The following SNX29 variants were observed in gnomAD, a reference collection of about 807,000 sequenced individuals.
SNX29 encodes the protein sorting nexin 29, also known as sorting nexin-29.
In SNX29, 78 loss-of-function variants were observed where a neutral mutation model predicts 102.1. The observed-to-expected ratio is 0.76, with a 90% CI of 0.64 to 0.92. The LOEUF (loss-of-function observed/expected upper bound fraction) is 0.92, where lower values mean the gene tolerates loss of function less well. Ranked by LOEUF, SNX29 falls within the 40% of genes least tolerant of loss-of-function variation. The pLI is 0.00. For missense variants in SNX29, 1,280 were observed against 1,061.7 expected (o/e 1.21, Z -2.86); for synonymous variants, 580 against 414.5 (o/e 1.40, Z -4.85).
At chr16:12,217,354 TAGC>T (rs1340540015) in intron 14 of SNX29, among the ~76,000 whole-genome samples, 2 of 152,230 alleles carry the variant, frequency 1.3e-5, no homozygotes, top group Non-Finnish European at 2.9e-5. Flanking sequence ...ACTTGTTTGT[TAGC>T]AGCCACTGTG....
intron 15 of SNX29, among the ~76,000 whole-genome samples, chr16:12,340,102 A>AT (rs1291193327): frequency 6.6e-6 from 1 of 152,242 alleles, no homozygotes; most frequent in Non-Finnish European, 1.5e-5. Context: ...AATCCAAGAC[A>AT]TAATGATCAG....
At chr16:12,503,743 A>T (rs2089237945) in intron 19 of SNX29, among the ~76,000 whole-genome samples, 1 of 152,074 alleles carries the variant, frequency 6.6e-6, no homozygotes, top group South Asian at 2.1e-4. Flanking sequence ...GCTTTCTTCA[A>T]GGCAGAGCCT....
intron 18 of SNX29, among the ~76,000 whole-genome samples, chr16:12,467,643 C>G (rs1263825382): frequency 7.3e-6 from 1 of 136,140 alleles, no homozygotes; most frequent in East Asian, 2.6e-4. Flanking sequence ...TTCGTTCATT[C>G]ATTCATTCAT....
intron 14 of SNX29, among the ~76,000 whole-genome samples, chr16:12,239,777 G>C (rs879278311): frequency 1.3e-5 from 2 of 151,584 alleles, no homozygotes; most frequent in Non-Finnish European, 2.9e-5. Context: ...CTGGTGTCAT[G>C]CCACTGCACT....
chr16:12,188,508 C>T (rs943115641), intron 13 of SNX29, among the ~76,000 whole-genome samples: 2 of 152,098 alleles, frequency 1.3e-5, no homozygotes, highest in African/African-American at 4.8e-5. Context: ...AGTTTGGAAC[C>T]CTGTGATTTT....
At chr16:12,171,595 A>T (rs2076150958) in intron 13 of SNX29, among the ~76,000 whole-genome samples, 1 of 152,196 alleles carries the variant, frequency 6.6e-6, no homozygotes, top group East Asian at 1.9e-4. Context: ...TTCAGGGCTT[A>T]GCCCTCTTCT....
chr16:12,351,118 A>G (rs539220193), intron 15 of SNX29, among the ~76,000 whole-genome samples: 92 of 152,290 alleles, frequency 6.0e-4, no homozygotes, highest in African/African-American at 2.1e-3. Context: ...CCTTTGCCTC[A>G]TTGGTAAGGA....
chr16:12,281,942 G>T (rs1175195536), intron 15 of SNX29, among the ~76,000 whole-genome samples: 1 of 151,928 alleles, frequency 6.6e-6, no homozygotes, highest in African/African-American at 2.4e-5. Context: ...AAATTAGCCG[G>T]TCATGGTGGC....
In SNX29 at chr16:12,101,491, T is replaced by C. The variant is rs534946435; in HGVS notation, c.1402+22576T>C. Among the ~76,000 whole-genome samples, 35 of 151,866 alleles carry C rather than the reference T, an allele frequency of 2.3e-4. 1 individual carries two copies. In the South Asian group the frequency reaches 6.9e-3, roughly 30 times the overall value. ...CTCCACCTCCCGGGTTCAAGCGATT[T>C]TCCTGCCTCAGCCTCCTGGGTAGCT... On this transcript the variant is annotated intron_variant, in intron 11 of 20. Coordinates refer to ENST00000566228, the MANE Select transcript of SNX29 (RefSeq NM_032167.5).
chr16:12,485,482 A>C (rs532322147), intron 19 of SNX29, among the ~76,000 whole-genome samples: 1 of 152,202 alleles, frequency 6.6e-6, no homozygotes, highest in Non-Finnish European at 1.5e-5. Context: ...ATGCATTAAA[A>C]TCCTCATTAA....
At chr16:12,288,696 A>AG (rs2079689120) in intron 15 of SNX29, among the ~76,000 whole-genome samples, 2 of 152,022 alleles carry the variant, frequency 1.3e-5, no homozygotes, top group African/African-American at 4.8e-5. Flanking sequence ...AAAAAAAAAA[A>AG]AAGATAATGA....
At chr16:12,266,762 T>G (rs1467521963) in intron 14 of SNX29, among the ~76,000 whole-genome samples, 1 of 150,814 alleles carries the variant, frequency 6.6e-6, no homozygotes, top group East Asian at 1.9e-4. Context: ...CAGTCAAGTA[T>G]GTAAATTTTT....
intron 20 of SNX29, among the ~76,000 whole-genome samples, chr16:12,539,980 C>G (rs963972639): frequency 1.3e-5 from 2 of 152,152 alleles, no homozygotes; most frequent in African/African-American, 2.4e-5. Context: ...ATATTTTCTT[C>G]TAGTCTTCAG....
intron 1 of SNX29, among the ~76,000 whole-genome samples, chr16:11,991,541 A>T (rs2055847754): frequency 6.6e-6 from 1 of 151,528 alleles, no homozygotes; most frequent in Admixed American, 6.6e-5. Context: ...TTTATTTTTT[A>T]TTTCATTTTA....
At chr16:12,146,390 C>T (rs141968452) in intron 13 of SNX29, among the ~76,000 whole-genome samples, 4 of 152,168 alleles carry the variant, frequency 2.6e-5, no homozygotes, top group South Asian at 2.1e-4. Context: ...CTCAGCCTCC[C>T]GAGTAGCTGG....
At chr16:12,545,361 GA>G (rs1489955552) in intron 20 of SNX29, 1 of 152,164 alleles carries the variant, frequency 6.6e-6, no homozygotes, top group African/African-American at 2.4e-5. Context: ...CATACAGAGT[GA>G]CAACCCATTG....
chr16:12,497,580 A>G (rs537637544), intron 19 of SNX29, among the ~76,000 whole-genome samples: 11 of 152,360 alleles, frequency 7.2e-5, no homozygotes, highest in African/African-American at 2.6e-4. Flanking sequence ...GCTCAGTATC[A>G]TCAGACATCT....
intron 18 of SNX29, among the ~76,000 whole-genome samples, chr16:12,448,900 G>T (rs977870593): frequency 6.6e-6 from 1 of 152,064 alleles, no homozygotes; most frequent in South Asian, 2.1e-4. Flanking sequence ...TTTGGTTTTC[G>T]CATTCACTAG....
At chr16:12,078,656 A>AGATGAATT (rs2151337942) in intron 10 of SNX29, among the ~76,000 whole-genome samples, 177 bp from the exon 11 acceptor site, 1 of 152,350 alleles carries the variant, frequency 6.6e-6, no homozygotes, top group Admixed American at 6.5e-5. Context: ...TTTAGTGCGT[A>AGATGAATT]GATGAATTTC....
Sources: allele counts gnomAD v4.1 joint callset (sites outside exome capture counted in the v4.1 genomes callset), GRCh38; gene constraint gnomAD v4.1.1; transcripts MANE v1.5; gene names NCBI Gene and HGNC (gene_info 2026-07-23, HGNC 2026-07-21).